Variants in SERPINB11 observed in about 807,000 individuals in gnomAD.
The protein encoded by SERPINB11 is serpin family B member 11.
Under a neutral mutation model 36.7 loss-of-function variants are expected in SERPINB11, and 32 were observed. The observed-to-expected ratio is 0.87, with a 90% CI of 0.66 to 1.17. SERPINB11 has a LOEUF of 1.17. Among genes scored for constraint, SERPINB11 ranks in the 50% most tolerant of loss-of-function variants. The pLI is 0.00. For synonymous variants in SERPINB11, 174 were observed against 168.1 expected, an observed-to-expected ratio of 1.04 and a Z score of -0.27; for missense variants, 528 against 458.4, an observed-to-expected ratio of 1.15 and a Z score of -1.39.
At chr18:63,706,115 TG>T (rs1051381084) in intron 1 of SERPINB11, among the ~76,000 whole-genome samples, 2 of 152,208 alleles carry the variant, frequency 1.3e-5, no homozygotes, top group African/African-American at 4.8e-5. Context: ...GTATAACTAC[TG>T]GGTCCTATTA....
chr18:63,723,601 T>G lies in SERPINB11; in HGVS notation c.*202T>G. ...TGTTAATCATGGAAAAAGGTAGATT[T>G]ATGCAGAAAGCCTTTCTGGCTTTCT... On this transcript the variant is annotated 3_prime_UTR_variant, in exon 8 of 8. Transcript: ENST00000544088. 2.0e-6 allele frequency: 1 copy of G among 489,242 alleles called. No homozygotes were observed. The allele number at this position is 489,242 out of a possible 1,614,324, so 30.3% of individuals were successfully genotyped here. A position where few individuals can be genotyped will look rare whatever the true frequency, so the allele number is the denominator to read the frequency against.
intron 2 of SERPINB11, among the ~76,000 whole-genome samples, chr18:63,710,666 A>C (rs1568184124): frequency 6.6e-6 from 1 of 152,190 alleles, no homozygotes; most frequent in Non-Finnish European, 1.5e-5. Flanking sequence ...TAAAGGTACT[A>C]TTATTGTCCT....
intron 5 of SERPINB11, among the ~76,000 whole-genome samples, chr18:63,718,416 G>A (rs1196649142): frequency 1.3e-5 from 2 of 151,954 alleles, no homozygotes; most frequent in African/African-American, 4.8e-5. Flanking sequence ...CCATGACCAT[G>A]AAATTTACCT....
At position 63,706,576 on chromosome 18, in the gene SERPINB11, C is replaced by T. The variant is rs550640632; in HGVS notation, c.-16+3570C>T. 3.3e-5 allele frequency among the ~76,000 whole-genome samples: 5 copies of T among 152,120 alleles called. No homozygotes were observed. The East Asian group carries it at 5.8e-4, about 18-fold the overall frequency. On this transcript the variant is annotated intron_variant, in intron 1 of 7. Coordinates refer to ENST00000544088, the MANE Select transcript of SERPINB11 (RefSeq NM_001370475.1). Reference sequence around the variant, plus strand: ...CAAATATTTCTGTATTCCAGGTGGACTAAACAAGGGAATAATGTAACTATG... The same window carrying T: ...CAAATATTTCTGTATTCCAGGTGGATTAAACAAGGGAATAATGTAACTATG...
intron 5 of SERPINB11, among the ~76,000 whole-genome samples, chr18:63,717,945 G>C (rs766051728): frequency 6.6e-6 from 1 of 152,020 alleles, no homozygotes; most frequent in South Asian, 2.1e-4. Flanking sequence ...AAATATTTTC[G>C]TATGTTATTT....
At chr18:63,714,762 T>C (rs1452735424) in intron 4 of SERPINB11, among the ~76,000 whole-genome samples, 1 of 152,174 alleles carries the variant, frequency 6.6e-6, no homozygotes, top group South Asian at 2.1e-4. Flanking sequence ...TTCATATTGT[T>C]TAAACACACA....
At chr18:63,722,872 T>C (rs1437758757) in intron 7 of SERPINB11, 123 bp from the exon 8 acceptor site, 1 of 962,896 alleles carries the variant, frequency 1.0e-6, no homozygotes, top group Non-Finnish European at 1.5e-6. Context: ...AAGTAGACTG[T>C]ATTAAAGGTA....
At chr18:63,720,585 GT>G in intron 6 of SERPINB11, 2 of 409,710 alleles carry the variant, frequency 4.9e-6, no homozygotes, top group East Asian at 4.1e-5. Context: ...TCCTGACTTT[GT>G]TTTTGGTAGA....
chr18:63,721,124 G>A (rs939429117), intron 7 of SERPINB11, 138 bp downstream of exon 7: 9 of 838,512 alleles, frequency 1.1e-5, no homozygotes, highest in Non-Finnish European at 1.8e-6. Flanking sequence ...TTGTCCCGGG[G>A]GTGTGAAAGT....
At chr18:63,711,496 G>C in intron 3 of SERPINB11, 102 bp downstream of exon 3, 4 of 851,868 alleles carry the variant, frequency 4.7e-6, no homozygotes, top group Non-Finnish European at 5.8e-6. Context: ...TTGCCCATGA[G>C]GGAACCAGCT....
At chr18:63,719,140 C>T (rs895264166) in intron 5 of SERPINB11, among the ~76,000 whole-genome samples, 1 of 151,898 alleles carries the variant, frequency 6.6e-6, no homozygotes, top group Non-Finnish European at 1.5e-5. Flanking sequence ...TTTTTTGGCA[C>T]GAATGAAAAG....
intron 7 of SERPINB11, 53 bp from the exon 8 acceptor site, chr18:63,722,942 T>C: frequency 6.8e-7 from 1 of 1,462,296 alleles, no homozygotes; most frequent in South Asian, 1.5e-5. Context: ...TGATATTTAA[T>C]GTAGAGGTCG....
intron 2 of SERPINB11, among the ~76,000 whole-genome samples, 199 bp from the exon 3 acceptor site, chr18:63,711,136 T>C (rs1466508767): frequency 6.6e-6 from 1 of 152,180 alleles, no homozygotes; most frequent in South Asian, 2.1e-4. Flanking sequence ...ATGAGGGTAA[T>C]AGTATCTACT....
At chr18:63,715,217 C>G (rs978743646) in intron 4 of SERPINB11, among the ~76,000 whole-genome samples, 2 of 152,086 alleles carry the variant, frequency 1.3e-5, no homozygotes, top group Non-Finnish European at 2.9e-5. Context: ...AGGTATGCTC[C>G]TTAGGTCTCA....
At chr18:63,706,277 C>G (rs1914370694) in intron 1 of SERPINB11, among the ~76,000 whole-genome samples, 1 of 152,200 alleles carries the variant, frequency 6.6e-6, no homozygotes, top group African/African-American at 2.4e-5. Context: ...GACATATATT[C>G]CCTTTTGGTC....
rs1024735223 is a variant in SERPINB11, at chr18:63,718,851, G to A, written c.476-1162G>A. ...TATTAAGTCAGAAAATGCTTTGAAA[G>A]GTGTATTTTTTTTTCATATCTGTTA... is the stretch of plus-strand genomic sequence containing the variant. On this transcript the variant is annotated intron_variant, in intron 5 of 7. Transcript: ENST00000544088. Among the ~76,000 whole-genome samples the A allele has an allele frequency of 9.3e-5, 12 of 129,552 alleles. No homozygotes were observed. The East Asian group carries it at 3.6e-3, about 38-fold the overall frequency. 85.0% of individuals were successfully genotyped at this position (129,552 alleles called of 152,430 possible). A position where few individuals can be genotyped will look rare whatever the true frequency, so the allele number is the denominator to read the frequency against.
Position 63,723,388 on chromosome 18 carries a change from G to A in SERPINB11, c.1168G>A (p.Ala390Thr), listed in dbSNP as rs1454333018. The A allele has an allele frequency of 1.9e-6, 3 of 1,604,632 alleles. No individual in the cohort carries two copies. The highest frequency in any genetic ancestry group is 2.6e-6 in the Non-Finnish European group (3 of 1,173,860). The change falls in exon 8 of 8, where the codon GCC becomes ACC. Residue 390 changes from alanine to threonine, a missense_variant. Ala to Thr is a moderately conservative substitution (Grantham distance 58, BLOSUM62 0). Transcript: ENST00000544088. ...CACGATCCTATTCTGTGGCAAGCTT[G>A]CCTCTCCCTAATCAGATGGGGTTGA... Reference protein sequence around the residue: ...TNTILFCGKLASP With the variant: ...TNTILFCGKLTSP
Position 63,723,048 on chromosome 18 carries a change from C to T in SERPINB11, c.828C>T (p.Asn276=), listed in dbSNP as rs1034408862. The change falls in exon 8 of 8, where the codon AAC becomes AAT. Residue 276 remains asparagine (N), a synonymous_variant. Transcript: ENST00000544088. ...TTCATGAGTGGACAAGCTCTTCTAA[C>T]ATGATGGAAAGAGAAGTTGAAGTAC... The part of the protein sequence containing the change: ...GTFHEWTSSS[N]MMEREVEVHL... 5 of 1,602,318 alleles carry T rather than the reference C, an allele frequency of 3.1e-6. No homozygotes were observed. The highest frequency in any genetic ancestry group is 4.3e-6 in the Non-Finnish European group (5 of 1,174,474).
chr18:63,704,994 A>G (rs1914334205), intron 1 of SERPINB11, among the ~76,000 whole-genome samples: 1 of 152,240 alleles, frequency 6.6e-6, no homozygotes, highest in African/African-American at 2.4e-5. Flanking sequence ...GAAGGTACGG[A>G]CTATATTCCC....
Sources: gnomAD v4.1 joint callset for allele counts (sites outside exome capture counted in the v4.1 genomes callset) on GRCh38, gnomAD v4.1.1 for gene constraint, MANE v1.5 for transcripts, NCBI Gene and HGNC (gene_info 2026-07-23, HGNC 2026-07-21) for gene names.